CTTN: variants seen among roughly 807,000 people sequenced by gnomAD.
The protein encoded by CTTN is src substrate cortactin.
CTTN carries 28 observed loss-of-function variants against 84.0 expected under a neutral mutation model. The observed-to-expected ratio is 0.33, with a 90% CI of 0.25 to 0.46. The LOEUF is 0.46. Ranked by LOEUF, CTTN falls within the 20% of genes least tolerant of loss-of-function variation. The pLI is 1.00. For missense variants in CTTN, 641 were observed against 723.8 expected, an observed-to-expected ratio of 0.89 and a Z score of 1.31; for synonymous variants, 301 against 288.8, an observed-to-expected ratio of 1.04 and a Z score of -0.43.
intron 5 of CTTN, among the ~76,000 whole-genome samples, chr11:70,414,065 G>C (rs2058127132): frequency 1.3e-5 from 2 of 151,586 alleles, no homozygotes; most frequent in African/African-American, 4.9e-5. Flanking sequence ...TGCACCAAGG[G>C]CTGGGCGCGG....
intron 17 of CTTN, among the ~76,000 whole-genome samples, chr11:70,434,272 C>T (rs1391472005): frequency 1.3e-5 from 2 of 152,246 alleles, no homozygotes; most frequent in Non-Finnish European, 2.9e-5. Flanking sequence ...TCTTGGAGAC[C>T]ATGCGGTGGG....
At chr11:70,421,267 G>T (rs1289493466) in intron 10 of CTTN, among the ~76,000 whole-genome samples, 1 of 152,218 alleles carries the variant, frequency 6.6e-6, no homozygotes, top group African/African-American at 2.4e-5. Flanking sequence ...TGAATGTTCA[G>T]ATTTTAAGTT....
intron 12 of CTTN, 151 bp downstream of exon 12, chr11:70,423,146 A>G (rs528712678): frequency 1.0e-6 from 1 of 987,630 alleles, no homozygotes; most frequent in Non-Finnish European, 1.5e-6. Flanking sequence ...ACTGACTCGG[A>G]CAGTCTTGTG....
chr11:70,421,186 G>T (rs2058232393), intron 10 of CTTN, among the ~76,000 whole-genome samples: 1 of 152,198 alleles, frequency 6.6e-6, no homozygotes, highest in South Asian at 2.1e-4. Flanking sequence ...CGCTAAGAAT[G>T]AACTGCACAG....
chr11:70,421,738 T>C (rs537247069), intron 11 of CTTN, 158 bp downstream of exon 11: 1 of 624,652 alleles, frequency 1.6e-6, no homozygotes, highest in South Asian at 1.9e-5. Context: ...CCATTTCTAG[T>C]AGAGCGACAC....
chr11:70,422,724 GC>G lies in CTTN; in HGVS notation c.902-212del, dbSNP rs149892826. On this transcript the variant is annotated intron_variant, in intron 11 of 17. Coordinates refer to ENST00000301843, the MANE Select transcript of CTTN (RefSeq NM_005231.4). ...CCCCTCAGGGAATGCTGAAGCCTCTGCCCCTGGCCTGTGCTCTGCTTCTCAC... is the reference window on the plus strand; with the variant it reads ...CCCCTCAGGGAATGCTGAAGCCTCTGCCCTGGCCTGTGCTCTGCTTCTCAC... The G allele has an allele frequency of 3.0e-3, 4,278 of 1,445,946 alleles. 91 individuals are homozygous for G. In the African/African-American group the frequency reaches 0.049, roughly 17 times the overall value. The allele number at this position is 1,445,946 out of a possible 1,614,324, so 89.6% of individuals were successfully genotyped here.
Sources: allele counts gnomAD v4.1 joint callset (sites outside exome capture counted in the v4.1 genomes callset), GRCh38; gene constraint gnomAD v4.1.1; transcripts MANE v1.5; gene names NCBI Gene and HGNC (gene_info 2026-07-23, HGNC 2026-07-21).